The following PIGN variants were observed in gnomAD, a reference collection of about 807,000 sequenced individuals.
PIGN encodes GPI ethanolamine phosphate transferase 1.
A neutral mutation model predicts 125.4 loss-of-function variants in PIGN; 117 were observed. The observed-to-expected ratio is 0.93, with a 90% CI of 0.80 to 1.09. PIGN has a LOEUF of 1.09. PIGN is among the 50% of genes least tolerant of loss of function. The pLI is 0.00. For synonymous variants in PIGN, 392 were observed against 377.8 expected (o/e 1.04, Z -0.44); for missense variants, 1,075 against 1,094.9 (o/e 0.98, Z 0.26).
intron 7 of PIGN, among the ~76,000 whole-genome samples, chr18:62,150,765 T>A (rs1329310614): frequency 6.6e-6 from 1 of 152,170 alleles, no homozygotes; most frequent in Non-Finnish European, 1.5e-5. Flanking sequence ...AATGGCGCAA[T>A]CTCGGCTCAC....
At chr18:62,115,902 C>A (rs1366250692) in intron 14 of PIGN, among the ~76,000 whole-genome samples, 1 of 151,982 alleles carries the variant, frequency 6.6e-6, no homozygotes, top group African/African-American at 2.4e-5. Context: ...CACTAGAGGT[C>A]AGGCATTCGA....
intron 14 of PIGN, among the ~76,000 whole-genome samples, chr18:62,114,971 A>G (rs1431022778): frequency 6.6e-6 from 1 of 152,216 alleles, no homozygotes; most frequent in East Asian, 1.9e-4. Context: ...AACGTATGGC[A>G]TGAGCTCTGC....
In PIGN at chr18:62,109,939, G is replaced by A. The variant is rs773012911; in HGVS notation, c.1469C>T (p.Ala490Val). The change falls in exon 17 of 31, where the codon GCT becomes GTT. Residue 490 changes from alanine (A) to valine (V), a missense_variant. Physicochemically the swap from Ala to Val is moderately conservative, Grantham distance 64 (BLOSUM62 0). Coordinates refer to ENST00000640252, the MANE Select transcript of PIGN (RefSeq NM_176787.5). ...AAAAAATGCTACTAAAATGCCAATA[G>A]CTACAAAACTACAAGGCAGGAGATG... Reference protein sequence around the residue: ...PSHLLPCSFVAIGILVAFFLL... With the variant: ...PSHLLPCSFVVIGILVAFFLL... 6.2e-6 allele frequency: 10 copies of A among 1,613,168 alleles called. No homozygotes were observed. Among genetic ancestry groups the A allele is most frequent in the Non-Finnish European group, 8.5e-6 (10 of 1,179,492 alleles).
At chr18:62,084,762 A>G (rs185438321) in intron 26 of PIGN, among the ~76,000 whole-genome samples, 156 bp from the exon 27 acceptor site, 41 of 152,326 alleles carry the variant, frequency 2.7e-4, no homozygotes, top group Admixed American at 2.7e-3. Flanking sequence ...AACGCAGTAG[A>G]TCCGAATGTG....
intron 14 of PIGN, among the ~76,000 whole-genome samples, chr18:62,124,438 T>C (rs1032030964): frequency 3.9e-5 from 6 of 152,162 alleles, no homozygotes; most frequent in Admixed American, 6.6e-5. Flanking sequence ...CTGTCTAGAT[T>C]CAAGTTTTAG....
In PIGN at chr18:62,026,930, C is replaced by T. The variant is rs141082805; in HGVS notation, c.2143-9189G>A. On this transcript the variant is annotated intron_variant, in intron 23 of 24. Coordinates refer to the PIGN transcript ENST00000639600. Reference sequence around the variant, plus strand: ...AGGAGGCTGACGGGGGGCCAAGGCGCGGTGGCTCACGCCTGTAATTCCAGC... The same window carrying T: ...AGGAGGCTGACGGGGGGCCAAGGCGTGGTGGCTCACGCCTGTAATTCCAGC... 5.0e-3 allele frequency among the ~76,000 whole-genome samples: 762 copies of T among 152,282 alleles called. 5 individuals are homozygous for T. Among genetic ancestry groups the T allele is most frequent in the Non-Finnish European group, 8.4e-3 (568 of 68,020 alleles).
chr18:62,109,121 G>A (rs1323581144), intron 17 of PIGN, among the ~76,000 whole-genome samples: 3 of 152,136 alleles, frequency 2.0e-5, no homozygotes, highest in Admixed American at 6.5e-5. Flanking sequence ...GATTACTGGT[G>A]TAAAAATAGA....
rs1308436497 is a variant in PIGN at position 62,148,379 on chromosome 18, T to C, written c.550-41A>G. The C allele has an allele frequency of 6.1e-6, 8 of 1,314,422 alleles. No individual in the cohort carries two copies. In the East Asian group the frequency reaches 1.7e-4, roughly 27 times the overall value. The allele number at this position is 1,314,422 out of a possible 1,614,324, so 81.4% of individuals were successfully genotyped here. A position where few individuals can be genotyped will look rare whatever the true frequency, so the allele number is the denominator to read the frequency against. ...GAGTTAAAAATATTTAGTTCATTTGTTTTATTTTAAAAATAATACTGATGA... is the reference window on the plus strand; with the variant it reads ...GAGTTAAAAATATTTAGTTCATTTGCTTTATTTTAAAAATAATACTGATGA... On this transcript the variant is annotated intron_variant, in intron 7 of 30. Coordinates refer to ENST00000640252, the MANE Select transcript of PIGN (RefSeq NM_176787.5).
chr18:62,103,050 AT>A, intron 20 of PIGN, 148 bp from the exon 21 acceptor site: 2 of 430,666 alleles, frequency 4.6e-6, no homozygotes, highest in Non-Finnish European at 8.2e-6. Flanking sequence ...ACATTTTCAG[AT>A]TTTTAAGAAA....
intron 30 of PIGN, chr18:62,070,511 G>C (rs2032782853): frequency 2.5e-6 from 1 of 398,498 alleles, no homozygotes; most frequent in Non-Finnish European, 4.4e-6. Context: ...AGTTGCCTAA[G>C]AGGTATCAAC....
chr18:62,166,284 C>G (rs968020500), intron 1 of PIGN, among the ~76,000 whole-genome samples: 1 of 152,198 alleles, frequency 6.6e-6, no homozygotes, highest in Non-Finnish European at 1.5e-5. Context: ...GGCTTCTTCT[C>G]ATCTTTCATG....
intron 23 of PIGN, among the ~76,000 whole-genome samples, chr18:62,031,250 G>C (rs193126510): frequency 6.6e-6 from 1 of 152,036 alleles, no homozygotes; most frequent in Non-Finnish European, 1.5e-5. Context: ...CTCCTCATTC[G>C]CCTTCCACCA....
chr18:62,026,553 T>C (rs1180502111), intron 23 of PIGN, among the ~76,000 whole-genome samples: 3 of 152,214 alleles, frequency 2.0e-5, no homozygotes, highest in Non-Finnish European at 4.4e-5. Context: ...CAGGCCTCTC[T>C]GAAAAAACCA....
intron 30 of PIGN, among the ~76,000 whole-genome samples, chr18:62,063,889 G>C (rs2032347698): frequency 7.0e-6 from 1 of 142,964 alleles, no homozygotes; most frequent in East Asian, 2.1e-4. Flanking sequence ...GAGAACACTT[G>C]GACACAGGGT....
At chr18:62,091,172 C>A (rs1332743325) in intron 23 of PIGN, among the ~76,000 whole-genome samples, 1 of 152,054 alleles carries the variant, frequency 6.6e-6, no homozygotes, top group Non-Finnish European at 1.5e-5. Context: ...CATAGTGAAA[C>A]CCTGTCTCTA....
chr18:62,018,717 C>T (rs17706011), intron 23 of PIGN, among the ~76,000 whole-genome samples: 24,884 of 152,136 alleles, frequency 0.16, 2,804 homozygotes, highest in Middle Eastern at 0.26. Context: ...CAAGGCCTCC[C>T]AGACTGTGGG....
Position 62,096,516 on chromosome 18 carries a change from CTTTTTTTTTTT to C in PIGN, c.2078-577_2078-567del, listed in dbSNP as rs398033140. ...TATTAACTCAAAAATGAATTATTTT[CTTTTTTTTTTT>C]TTTTTTTTTTTTTTTTATTATACTC... On this transcript the variant is annotated intron_variant, in intron 22 of 30. Coordinates refer to ENST00000640252, the MANE Select transcript of PIGN (RefSeq NM_176787.5). Among the ~76,000 whole-genome samples, 11 of 85,656 alleles carry C rather than the reference CTTTTTTTTTTT, an allele frequency of 1.3e-4. No homozygotes were observed. In the South Asian group the frequency reaches 3.7e-3, roughly 29 times the overall value. The allele number at this position is 85,656 out of a possible 152,430, so 56.2% of individuals were successfully genotyped here.
At chr18:62,059,669 A>G (rs2031997051) in intron 30 of PIGN, among the ~76,000 whole-genome samples, 1 of 152,212 alleles carries the variant, frequency 6.6e-6, no homozygotes, top group Non-Finnish European at 1.5e-5. Context: ...CAGATTGTGA[A>G]CAGGTAGAGG....
chr18:62,098,649 GC>G (rs1231811984), intron 22 of PIGN, among the ~76,000 whole-genome samples: 1 of 152,116 alleles, frequency 6.6e-6, no homozygotes, highest in Non-Finnish European at 1.5e-5. Context: ...GCTCATTAAA[GC>G]TAGACCATGG....
Sources: allele counts gnomAD v4.1 joint callset (sites outside exome capture counted in the v4.1 genomes callset), GRCh38; gene constraint gnomAD v4.1.1; transcripts MANE v1.5; gene names NCBI Gene and HGNC (gene_info 2026-07-23, HGNC 2026-07-21).